The following PGAP1 variants were observed in gnomAD, a reference collection of about 807,000 sequenced individuals.
PGAP1 encodes the protein GPI inositol-deacylase.
PGAP1 carries 76 observed loss-of-function variants against 127.0 expected under a neutral mutation model. The observed-to-expected ratio is 0.60, with a 90% confidence interval of 0.50 to 0.72. The LOEUF (loss-of-function observed/expected upper bound fraction) is 0.72. Among genes scored for constraint, PGAP1 ranks in the 30% least tolerant of loss-of-function variants. The probability of loss-of-function intolerance (pLI) is 0.00; values close to 1 mark genes in which losing one functional copy is unlikely to be tolerated. For missense variants in PGAP1, 982 were observed against 1,071.3 expected (o/e 0.92, Z 1.16); for synonymous variants, 362 against 366.5 (o/e 0.99, Z 0.14).
At chr2:196,845,021 T>C (rs1200571330) in intron 23 of PGAP1, among the ~76,000 whole-genome samples, 1 of 152,028 alleles carries the variant, frequency 6.6e-6, no homozygotes, top group African/African-American at 2.4e-5. Flanking sequence ...TTATATACAG[T>C]GGTGAAATGT....
At chr2:196,860,395 G>A (rs971443449) in intron 20 of PGAP1, among the ~76,000 whole-genome samples, 5 of 152,000 alleles carry the variant, frequency 3.3e-5, no homozygotes, top group African/African-American at 9.7e-5. Flanking sequence ...TTAGCTGGGC[G>A]TGGTGCCACA....
intron 20 of PGAP1, among the ~76,000 whole-genome samples, chr2:196,852,989 C>T (rs1045339550): frequency 2.0e-5 from 3 of 152,108 alleles, no homozygotes; most frequent in Admixed American, 1.3e-4. Flanking sequence ...GATTAAGATT[C>T]GATATTAAAG....
intron 19 of PGAP1, among the ~76,000 whole-genome samples, chr2:196,869,925 A>G (rs1462324034): frequency 6.6e-6 from 1 of 152,230 alleles, no homozygotes; most frequent in Non-Finnish European, 1.5e-5. Context: ...GCATTGCAAA[A>G]TACAACAGAC....
At chr2:196,905,073 G>A (rs1458761811) in intron 4 of PGAP1, among the ~76,000 whole-genome samples, 1 of 152,160 alleles carries the variant, frequency 6.6e-6, no homozygotes, top group East Asian at 1.9e-4. Flanking sequence ...GAAAGGTACA[G>A]GATTCTTGAC....
Position 196,840,705 on chromosome 2 carries a change from T to C in PGAP1, c.*529A>G, listed in dbSNP as rs1049034051. The C allele has an allele frequency of 5.9e-5, 9 of 152,258 alleles. No individual in the cohort carries two copies. The highest frequency in any genetic ancestry group is 1.7e-4 in the African/African-American group (7 of 41,464). 9.4% of individuals were successfully genotyped at this position (152,258 alleles called of 1,614,324 possible). Reference sequence around the variant, plus strand: ...AAGAAGACAAGATCCACTTTGTTCATGGTGGCTGCCAAAAACTAACCAAAG... The same window carrying C: ...AAGAAGACAAGATCCACTTTGTTCACGGTGGCTGCCAAAAACTAACCAAAG... On this transcript the variant is annotated 3_prime_UTR_variant, in exon 27 of 27. Transcript: ENST00000354764.
chr2:196,834,236 A>G lies in PGAP1; in HGVS notation c.*6998T>C, dbSNP rs1440369231. Reference sequence around the variant, plus strand: ...AAGCCAAACCTAATTTTCTACATCTATGTAGCGTAAGTCTACTTTAATTCA... The same window carrying G: ...AAGCCAAACCTAATTTTCTACATCTGTGTAGCGTAAGTCTACTTTAATTCA... On this transcript the variant is annotated 3_prime_UTR_variant, in exon 27 of 27. Coordinates refer to ENST00000354764, the MANE Select transcript of PGAP1 (RefSeq NM_024989.4). 1 of 152,088 alleles carries G rather than the reference A, an allele frequency of 6.6e-6. No homozygotes were observed. Among genetic ancestry groups the G allele is most frequent in the Non-Finnish European group, 1.5e-5 (1 of 67,930 alleles). 9.4% of individuals were successfully genotyped at this position (152,088 alleles called of 1,614,324 possible).
At chr2:196,914,198 T>C (rs1335173422) in intron 3 of PGAP1, among the ~76,000 whole-genome samples, 1 of 152,222 alleles carries the variant, frequency 6.6e-6, no homozygotes, top group Non-Finnish European at 1.5e-5. Flanking sequence ...TGCTTTTCCC[T>C]ATCAACTAGA....
intron 20 of PGAP1, among the ~76,000 whole-genome samples, chr2:196,852,547 T>C (rs965481365): frequency 7.2e-5 from 11 of 151,890 alleles, no homozygotes; most frequent in Non-Finnish European, 1.5e-5. Flanking sequence ...TAATGTATTA[T>C]TGATGAGAAA....
At chr2:196,918,030 G>C (rs1295800854) in intron 2 of PGAP1, among the ~76,000 whole-genome samples, 1 of 152,074 alleles carries the variant, frequency 6.6e-6, no homozygotes, top group African/African-American at 2.4e-5. Flanking sequence ...AACTATCCTA[G>C]GAGGTATGAA....
At chr2:196,852,433 A>G (rs981083050) in intron 20 of PGAP1, among the ~76,000 whole-genome samples, 4 of 152,016 alleles carry the variant, frequency 2.6e-5, no homozygotes, top group African/African-American at 9.7e-5. Context: ...GACAGTTCAA[A>G]TTACTTGTTA....
At position 196,864,987 on chromosome 2, in the gene PGAP1, C is replaced by A; in HGVS notation, c.1861G>T (p.Gly621Cys). 1 of 1,494,474 alleles carries A rather than the reference C, an allele frequency of 6.7e-7. No homozygotes were observed. Among genetic ancestry groups the A allele is most frequent in the African/African-American group, 1.4e-5 (1 of 69,496 alleles). The allele number at this position is 1,494,474 out of a possible 1,614,324, so 92.6% of individuals were successfully genotyped here. ...ACTTAAAAATTAGAAGCATTCTTAC[C>A]TGTTGAGAAAAGAGAATATAACTGT... ...RGQLYSLFST[G>C]CCLEYATMLD... The change falls in exon 20 of 27, where the codon GGT becomes TGT. Residue 621 changes from glycine (G) to cysteine (C), a missense_variant and splice_region_variant. Transcript: ENST00000354764.
rs772093376 is a variant in PGAP1, at chr2:196,888,636, G to A, written c.1173+2192C>T. 4.6e-5 allele frequency among the ~76,000 whole-genome samples: 7 copies of A among 151,984 alleles called. No homozygotes were observed. In the East Asian group the frequency reaches 1.3e-3, roughly 29 times the overall value. On this transcript the variant is annotated intron_variant, in intron 10 of 26. Coordinates refer to ENST00000354764, the MANE Select transcript of PGAP1 (RefSeq NM_024989.4). ...CATTTAAGTAGCATGGGGGAAAGGG[G>A]GTGGGGCTATTTATTATAAAAGAGA...
chr2:196,855,711 C>T (rs1195747194), intron 20 of PGAP1, among the ~76,000 whole-genome samples: 2 of 152,248 alleles, frequency 1.3e-5, no homozygotes, highest in South Asian at 2.1e-4. Context: ...TTTCTCTCTA[C>T]TTGGCTCCTA....
rs144230344 is a variant in PGAP1, at chr2:196,845,815, C to T, written c.2286+67G>A. 5.3e-4 allele frequency: 732 copies of T among 1,370,374 alleles called. 6 individuals are homozygous for T. In the East Asian group the frequency reaches 0.011, roughly 20 times the overall value. The allele number at this position is 1,370,374 out of a possible 1,614,324, so 84.9% of individuals were successfully genotyped here. On this transcript the variant is annotated intron_variant, in intron 23 of 26. Coordinates refer to ENST00000354764, the MANE Select transcript of PGAP1 (RefSeq NM_024989.4). ...TGAGAATTTTTGTTAACAATGCCTA[C>T]GGAACATCCTACATGTATGTGCCTA... is the stretch of plus-strand genomic sequence containing the variant.
intron 4 of PGAP1, among the ~76,000 whole-genome samples, chr2:196,911,372 C>T (rs1702803428): frequency 4.6e-5 from 2 of 43,954 alleles, no homozygotes; most frequent in East Asian, 5.9e-4. Context: ...AACCAAACAC[C>T]GCATATTCTC....
At chr2:196,849,464 C>T (rs1304289199) in intron 20 of PGAP1, among the ~76,000 whole-genome samples, 4 of 149,688 alleles carry the variant, frequency 2.7e-5, no homozygotes, top group Non-Finnish European at 3.0e-5. Flanking sequence ...TTAGTAGAGA[C>T]GGGGTTTCAC....
At chr2:196,898,262 G>C in intron 6 of PGAP1, 55 bp downstream of exon 6, 1 of 1,195,042 alleles carries the variant, frequency 8.4e-7, no homozygotes. Flanking sequence ...ACTGCATTGA[G>C]GAGAAAGAGG....
chr2:196,888,970 G>C (rs185632305), intron 10 of PGAP1, among the ~76,000 whole-genome samples: 13 of 152,166 alleles, frequency 8.5e-5, no homozygotes, highest in African/African-American at 3.1e-4. Flanking sequence ...GCTGTGTGTT[G>C]ATTATAAAAA....
At chr2:196,920,743 C>T (rs1404336387) in intron 1 of PGAP1, among the ~76,000 whole-genome samples, 2 of 152,094 alleles carry the variant, frequency 1.3e-5, no homozygotes, top group East Asian at 3.8e-4. Flanking sequence ...GACATGTACA[C>T]TCTTCTTACC....
Sources: gnomAD v4.1 joint callset for allele counts (sites outside exome capture counted in the v4.1 genomes callset) on GRCh38, gnomAD v4.1.1 for gene constraint, MANE v1.5 for transcripts, NCBI Gene and HGNC (gene_info 2026-07-23, HGNC 2026-07-21) for gene names.